The following FHDC1 variants were observed in gnomAD, a reference collection of about 807,000 sequenced individuals.
The protein encoded by FHDC1 is FH2 domain containing 1, also known as FH2 domain-containing protein 1.
Under a neutral mutation model 52.6 loss-of-function variants are expected in FHDC1, and 25 were observed. The ratio of observed to expected loss-of-function variants is 0.48; its 90% CI spans 0.35 to 0.66. The LOEUF is 0.66. Ranked by LOEUF, FHDC1 falls within the 30% of genes least tolerant of loss-of-function variation. FHDC1 has a pLI of 0.01. For synonymous variants in FHDC1, 616 were observed against 581.5 expected (o/e 1.06, Z -0.85); for missense variants, 1,459 against 1,452.8 (o/e 1.00, Z -0.07).
At chr4:152,946,574 C>T (rs774305537) in intron 2 of FHDC1, among the ~76,000 whole-genome samples, 3 of 152,158 alleles carry the variant, frequency 2.0e-5, no homozygotes, top group Non-Finnish European at 4.4e-5. Flanking sequence ...TTGCAGTAAG[C>T]GGAGTCCAGG....
intron 1 of FHDC1, among the ~76,000 whole-genome samples, chr4:152,938,998 C>T (rs1739498059): frequency 6.6e-6 from 1 of 152,224 alleles, no homozygotes; most frequent in Non-Finnish European, 1.5e-5. Context: ...AACATGCTCT[C>T]CCCTTAAATA....
rs543427882 is a variant in FHDC1, at chr4:152,943,613, G to C, written c.498+58G>C. On this transcript the variant is annotated intron_variant, in intron 2 of 11. Coordinates refer to ENST00000511601, the MANE Select transcript of FHDC1 (RefSeq NM_001371116.1). ...CACACTGCATTGTTTTGTGTTTTGGGATGTGTGTACATTTCAAATAATTGC... is the reference window on the plus strand; with the variant it reads ...CACACTGCATTGTTTTGTGTTTTGGCATGTGTGTACATTTCAAATAATTGC... 4 of 1,535,500 alleles carry C rather than the reference G, an allele frequency of 2.6e-6. No homozygotes were observed. In the African/African-American group the frequency reaches 5.5e-5, roughly 21 times the overall value.
chr4:152,956,578 G>T (rs907797140), intron 4 of FHDC1, among the ~76,000 whole-genome samples: 3 of 152,080 alleles, frequency 2.0e-5, no homozygotes, highest in African/African-American at 7.2e-5. Flanking sequence ...ACTGTTGAGG[G>T]CAAAGTGATG....
chr4:152,967,848 G>A (rs1740510519), intron 9 of FHDC1, 132 bp from the exon 10 acceptor site: 1 of 648,618 alleles, frequency 1.5e-6, no homozygotes, highest in East Asian at 2.7e-5. Flanking sequence ...AAATACAGGG[G>A]TAGATAAATA....
At chr4:152,920,940 T>G in the FHDC1 span, among the ~76,000 whole-genome samples, 2 of 152,046 alleles carry the variant, frequency 1.3e-5, no homozygotes, top group Non-Finnish European at 2.9e-5. Flanking sequence ...AGTTTTTTCC[T>G]TAAATCCTCT....
the FHDC1 span, among the ~76,000 whole-genome samples, chr4:152,928,718 A>T: frequency 6.6e-6 from 1 of 152,028 alleles, no homozygotes; most frequent in Non-Finnish European, 1.5e-5. Context: ...CTTCCCTGGA[A>T]CTCACCAGTC....
chr4:152,949,657 G>A (rs111928211), intron 2 of FHDC1, among the ~76,000 whole-genome samples: 249 of 152,300 alleles, frequency 1.6e-3, no homozygotes, highest in African/African-American at 5.9e-3. Context: ...TGATTTGGAG[G>A]TTTTAGCAAG....
Position 152,963,519 on chromosome 4 carries a change from G to A in FHDC1, c.1029+389G>A, listed in dbSNP as rs1002788802. 3.9e-5 allele frequency among the ~76,000 whole-genome samples: 6 copies of A among 152,114 alleles called. No homozygotes were observed. The East Asian group carries it at 1.2e-3, about 29-fold the overall frequency. On this transcript the variant is annotated intron_variant, in intron 8 of 11. Transcript: ENST00000511601. Reference sequence around the variant, plus strand: ...ACTGTGGAGGCTGGGTTAGAGTAGAGAAAGAACTAGAAATAGGAATACACC... The same window carrying A: ...ACTGTGGAGGCTGGGTTAGAGTAGAAAAAGAACTAGAAATAGGAATACACC...
At chr4:152,960,425 C>T (rs1740243890) in intron 4 of FHDC1, 140 bp from the exon 5 acceptor site, 10 of 790,186 alleles carry the variant, frequency 1.3e-5, no homozygotes, top group South Asian at 5.9e-5. Flanking sequence ...GGAGGATTTC[C>T]TTTTTTGTCT....
At chr4:152,911,434 CCAGTACTGTTTTAGTTG>C in the FHDC1 span, 1 of 152,282 alleles carries the variant, frequency 6.6e-6, no homozygotes, top group Non-Finnish European at 1.5e-5. Context: ...ATTGGAAAGG[CCAGTACTGTTTTAGTTG>C]CTCGGCACTG....
At position 152,976,296 on chromosome 4, in the gene FHDC1, C is replaced by A; in HGVS notation, c.3005C>A (p.Thr1002Asn). 3 of 1,613,636 alleles carry A rather than the reference C, an allele frequency of 1.9e-6. No homozygotes were observed. Among genetic ancestry groups the A allele is most frequent in the Non-Finnish European group, 2.5e-6 (3 of 1,180,020 alleles). Reference protein sequence around the residue: ...LPRQKPEENKTCRAHSEGPES... With the variant: ...LPRQKPEENKNCRAHSEGPES... The stretch of plus-strand genomic sequence containing the variant: ...AGACAGAAGCCTGAGGAAAATAAGA[C>A]CTGCCGCGCCCACTCCGAGGGCCCT... The change falls in exon 12 of 12, where the codon ACC (threonine) becomes AAC (asparagine). Residue 1002 changes from threonine to asparagine, a missense_variant. Thr to Asn is a moderately conservative substitution (Grantham distance 65). This residue lies in a region of FHDC1 where 939 missense variants were observed against 854.5 expected (regional missense o/e 1.10). Coordinates refer to ENST00000511601, the MANE Select transcript of FHDC1 (RefSeq NM_001371116.1).
Position 152,976,479 on chromosome 4 carries a change from CAG to C in FHDC1, c.3189_3190del (p.Ser1065AlafsTer180). 1 of 1,613,608 alleles carries C rather than the reference CAG, an allele frequency of 6.2e-7. No individual in the cohort carries two copies. Among genetic ancestry groups the C allele is most frequent in the Non-Finnish European group, 8.5e-7 (1 of 1,180,034 alleles). On this transcript the variant is annotated frameshift_variant, in exon 12 of 12. Transcript: ENST00000511601. LOFTEE classifies it low-confidence loss of function (END_TRUNC). ...GCCAAAGCCCCCGGCATCACTCGGA[CAG>C]TGTCGCAGCGGCAGCTGAGGGTGAA...
chr4:152,927,751 G>A, the FHDC1 span: 1 of 1,422,062 alleles, frequency 7.0e-7, no homozygotes, highest in Non-Finnish European at 9.9e-7. Context: ...TAATAGAAAA[G>A]CAACAAAGAG....
chr4:152,915,965 G>A, the FHDC1 span, among the ~76,000 whole-genome samples: 31 of 152,106 alleles, frequency 2.0e-4, no homozygotes, highest in Non-Finnish European at 4.0e-4. Flanking sequence ...TATTTCTGCT[G>A]GAATTGTTCA....
At chr4:152,928,038 C>T in the FHDC1 span, 54 of 1,442,202 alleles carry the variant, frequency 3.7e-5, no homozygotes, top group African/African-American at 4.2e-4. Context: ...CTGAGTGGCT[C>T]CTCCATCCAC....
intron 4 of FHDC1, among the ~76,000 whole-genome samples, chr4:152,956,872 T>G (rs2149948506): frequency 6.6e-6 from 1 of 152,230 alleles, no homozygotes; most frequent in Non-Finnish European, 1.5e-5. Context: ...GGAGTTTCCT[T>G]CAGCAGGAAC....
intron 8 of FHDC1, 140 bp downstream of exon 8, chr4:152,963,270 C>T (rs951317133): frequency 4.6e-5 from 32 of 696,390 alleles, no homozygotes; most frequent in East Asian, 1.0e-4. Flanking sequence ...TTTGTAGAAG[C>T]GCCATTAGCA....
chr4:152,925,809 T>G, the FHDC1 span, among the ~76,000 whole-genome samples: 1 of 151,334 alleles, frequency 6.6e-6, no homozygotes, highest in Non-Finnish European at 1.5e-5. Context: ...ATAGTAACTA[T>G]TTTAGTGAAA....
In FHDC1 at chr4:152,954,430, T is replaced by C. The variant is rs1480953104; in HGVS notation, c.663+111T>C. The stretch of plus-strand genomic sequence containing the variant: ...GGCCAGGAGCAGTGGCTCACACCTG[T>C]AATCCCAGCACTTTGGGAGGCAGAG... On this transcript the variant is annotated intron_variant, in intron 4 of 11. Coordinates refer to ENST00000511601, the MANE Select transcript of FHDC1 (RefSeq NM_001371116.1). The C allele has an allele frequency of 5.2e-6, 4 of 771,744 alleles. No individual in the cohort carries two copies. In the East Asian group the frequency reaches 1.1e-4, roughly 22 times the overall value. 47.8% of individuals were successfully genotyped at this position (771,744 alleles called of 1,614,324 possible). A position where few individuals can be genotyped will look rare whatever the true frequency, so the allele number is the denominator to read the frequency against.
Sources: allele counts gnomAD v4.1 joint callset (sites outside exome capture counted in the v4.1 genomes callset), GRCh38; gene constraint gnomAD v4.1.1; regional missense constraint gnomAD v4.1.1; transcripts MANE v1.5; gene names NCBI Gene and HGNC (gene_info 2026-07-23, HGNC 2026-07-21).